OTUD7B: variants seen among roughly 807,000 people sequenced by gnomAD.
OTUD7B encodes the protein OTU domain-containing protein 7B.
OTUD7B carries 34 observed loss-of-function variants against 82.2 expected under a neutral mutation model. The observed-to-expected ratio is 0.41, with a 90% CI of 0.31 to 0.55. The LOEUF is 0.55. OTUD7B is among the 20% of genes least tolerant of loss of function. The probability of loss-of-function intolerance (pLI) is 0.20; values close to 1 mark genes in which losing one functional copy is unlikely to be tolerated. For missense variants in OTUD7B, 944 were observed against 1,062.1 expected, an observed-to-expected ratio of 0.89 and a Z score of 1.55; for synonymous variants, 398 against 402.7, an observed-to-expected ratio of 0.99 and a Z score of 0.14.
the OTUD7B span, among the ~76,000 whole-genome samples, chr1:150,028,308 T>C: frequency 2.0e-5 from 3 of 152,170 alleles, no homozygotes; most frequent in Non-Finnish European, 4.4e-5. Context: ...TTTGGCCTAA[T>C]AAAAGGTTCG....
At chr1:150,043,337 G>A in the OTUD7B span, among the ~76,000 whole-genome samples, 8 of 152,216 alleles carry the variant, frequency 5.3e-5, no homozygotes, top group African/African-American at 1.7e-4. Flanking sequence ...TTAAAGGAAC[G>A]TAGGATATTT....
intron 4 of OTUD7B, 68 bp downstream of exon 4, chr1:149,967,226 C>A (rs1553776745): frequency 8.1e-6 from 9 of 1,114,634 alleles, no homozygotes; most frequent in Non-Finnish European, 1.3e-6. Flanking sequence ...TCAAGTCCAG[C>A]CCCTCCACAA....
rs369939981 is a variant in OTUD7B at position 150,006,233 on chromosome 1, G to T, written c.-67+4215C>A. On this transcript the variant is annotated intron_variant, in intron 1 of 11. Coordinates refer to ENST00000581312, the MANE Select transcript of OTUD7B (RefSeq NM_020205.4). The stretch of plus-strand genomic sequence containing the variant: ...AGCACTTTGGGAGGCCGAGTCAGGC[G>T]GATCACGAGGTCAGGAGATCAAGAC... Among the ~76,000 whole-genome samples the T allele has an allele frequency of 4.6e-5, 7 of 152,260 alleles. No homozygotes were observed. In the East Asian group the frequency reaches 1.4e-3, roughly 29 times the overall value.
At chr1:150,034,366 C>T in the OTUD7B span, among the ~76,000 whole-genome samples, 1 of 152,120 alleles carries the variant, frequency 6.6e-6, no homozygotes, top group Non-Finnish European at 1.5e-5. Context: ...GGGTCATAAC[C>T]AGCACCATAC....
chr1:149,984,990 C>T lies in OTUD7B; in HGVS notation c.-66-7414G>A, dbSNP rs141138150. On this transcript the variant is annotated intron_variant, in intron 1 of 11. Coordinates refer to ENST00000581312, the MANE Select transcript of OTUD7B (RefSeq NM_020205.4). The stretch of plus-strand genomic sequence containing the variant: ...CCTAACTCCTCCCTCTACCTCTCTC[C>T]GTCAATTGATTGGCCTCCACAGGCA... Among the ~76,000 whole-genome samples the T allele has an allele frequency of 5.9e-3, 906 of 152,280 alleles. 5 individuals are homozygous for T. Among genetic ancestry groups the T allele is most frequent in the Non-Finnish European group, 9.4e-3 (641 of 68,032 alleles).
rs1184364334 is a variant in OTUD7B, at chr1:149,944,998, G to C, written c.1391C>G (p.Ser464Cys). The change falls in exon 12 of 12, where the codon TCT becomes TGT. Residue 464 changes from serine (S) to cysteine (C), a missense_variant. Around this residue, in one of 3 missense-constraint regions of OTUD7B, gnomAD observed 530 missense variants for 625.6 expected, o/e 0.85. Coordinates refer to ENST00000581312, the MANE Select transcript of OTUD7B (RefSeq NM_020205.4). The part of the protein sequence containing the change: ...AGDEPRSTPE[S>C]GDSDKESVGS... ...AACTGACTCCTTGTCTGAGTCTCCAGACTCAGGAGTGGACCGGGGCTCATC... is the reference window on the plus strand; with the variant it reads ...AACTGACTCCTTGTCTGAGTCTCCACACTCAGGAGTGGACCGGGGCTCATC... 6.2e-7 allele frequency: 1 copy of C among 1,614,180 alleles called. No individual in the cohort carries two copies.
At chr1:149,958,254 G>T (rs1553774952) in intron 7 of OTUD7B, among the ~76,000 whole-genome samples, 1 of 150,428 alleles carries the variant, frequency 6.6e-6, no homozygotes, top group East Asian at 1.9e-4. Context: ...AGCAAATCCT[G>T]GACATTATAT....
chr1:149,956,257 G>C (rs587744531), intron 7 of OTUD7B, among the ~76,000 whole-genome samples: 1 of 152,026 alleles, frequency 6.6e-6, no homozygotes, highest in South Asian at 2.1e-4. Context: ...CAGCATTTGC[G>C]TGTCTGTAAA....
intron 1 of OTUD7B, among the ~76,000 whole-genome samples, chr1:150,008,969 GC>G (rs1652840592): frequency 6.6e-6 from 1 of 152,194 alleles, no homozygotes; most frequent in Non-Finnish European, 1.5e-5. Flanking sequence ...TATTCAGCCT[GC>G]AGAGGAGCAA....
chr1:149,976,559 C>T (rs1388678985), intron 2 of OTUD7B, among the ~76,000 whole-genome samples: 7 of 131,510 alleles, frequency 5.3e-5, no homozygotes, highest in Admixed American at 1.9e-4. Context: ...TGCAGTGACC[C>T]GAGATCGCAC....
chr1:149,982,837 CT>C (rs1166314562), intron 1 of OTUD7B, among the ~76,000 whole-genome samples: 131,862 of 131,932 alleles, frequency 1, 65,896 homozygotes, highest in Middle Eastern at 1. Flanking sequence ...CTTCTCCTCT[CT>C]TACTTTTTTT....
At chr1:150,041,064 T>C in the OTUD7B span, among the ~76,000 whole-genome samples, 1 of 152,100 alleles carries the variant, frequency 6.6e-6, no homozygotes, top group Non-Finnish European at 1.5e-5. Flanking sequence ...AAAAAATACA[T>C]ACAATTTACC....
chr1:149,985,301 G>A (rs1017129542), intron 1 of OTUD7B, among the ~76,000 whole-genome samples: 6 of 152,026 alleles, frequency 3.9e-5, no homozygotes, highest in African/African-American at 1.2e-4. Flanking sequence ...CCAGCTACTC[G>A]GGAGGCTGAG....
chr1:149,980,443 G>A (rs974051542), intron 1 of OTUD7B, among the ~76,000 whole-genome samples: 9 of 152,120 alleles, frequency 5.9e-5, no homozygotes, highest in Admixed American at 6.5e-5. Flanking sequence ...TGTTTGGGCC[G>A]GGCACAGTGG....
chr1:150,031,263 G>T, the OTUD7B span, among the ~76,000 whole-genome samples: 1 of 152,170 alleles, frequency 6.6e-6, no homozygotes, highest in Non-Finnish European at 1.5e-5. Context: ...ACTTTTCTCT[G>T]GTGACAACTA....
intron 1 of OTUD7B, among the ~76,000 whole-genome samples, chr1:149,990,801 G>A (rs1018994614): frequency 6.6e-6 from 1 of 152,090 alleles, no homozygotes; most frequent in East Asian, 1.9e-4. Context: ...TTTGCGACCA[G>A]CCTAACATAG....
At chr1:150,058,543 A>C in the OTUD7B span, among the ~76,000 whole-genome samples, 2 of 152,194 alleles carry the variant, frequency 1.3e-5, no homozygotes, top group Admixed American at 1.3e-4. Context: ...GAAAAATAAA[A>C]ATAAGTAAAT....
chr1:149,955,646 A>G (rs1368919625), intron 7 of OTUD7B, among the ~76,000 whole-genome samples: 3 of 151,956 alleles, frequency 2.0e-5, no homozygotes, highest in East Asian at 3.9e-4. Context: ...GTGGGGTGTT[A>G]AAGTCTCCCA....
At chr1:149,949,412 T>C (rs962153643) in intron 9 of OTUD7B, among the ~76,000 whole-genome samples, 1 of 152,110 alleles carries the variant, frequency 6.6e-6, no homozygotes, top group African/African-American at 2.4e-5. Context: ...ACCTTAATCA[T>C]AAGCCTTTAC....
Sources: allele counts gnomAD v4.1 joint callset (sites outside exome capture counted in the v4.1 genomes callset), GRCh38; gene constraint gnomAD v4.1.1; regional missense constraint gnomAD v4.1.1; transcripts MANE v1.5; gene names NCBI Gene and HGNC (gene_info 2026-07-23, HGNC 2026-07-21).